The following SLC4A4 variants were observed in gnomAD, a reference collection of about 807,000 sequenced individuals.
SLC4A4 encodes electrogenic sodium bicarbonate cotransporter 1.
In SLC4A4, 27 loss-of-function variants were observed where a neutral mutation model predicts 111.5. The ratio of observed to expected loss-of-function variants is 0.24; its 90% CI spans 0.18 to 0.33. The LOEUF is 0.33. Among genes scored for constraint, SLC4A4 ranks in the 10% least tolerant of loss-of-function variants. The pLI is 1.00. For synonymous variants in SLC4A4, 443 were observed against 463.4 expected (o/e 0.96, Z 0.57); for missense variants, 909 against 1,315.5 (o/e 0.69, Z 4.78).
intron 3 of SLC4A4, among the ~76,000 whole-genome samples, chr4:71,302,932 G>A (rs1017772183): frequency 7.2e-5 from 11 of 152,238 alleles, no homozygotes; most frequent in African/African-American, 2.6e-4. Context: ...TTCAAGCTCC[G>A]TTATGTCTCC....
At chr4:71,117,975 C>G (rs999571802) in intron 2 of SLC4A4, among the ~76,000 whole-genome samples, 2 of 150,594 alleles carry the variant, frequency 1.3e-5, no homozygotes, top group Admixed American at 1.3e-4. Context: ...CTCTCAGGTT[C>G]GAGTGATTCT....
rs955910171 is a variant in SLC4A4 at position 71,450,691 on chromosome 4, T to C, written c.1208+148T>C. On this transcript the variant is annotated intron_variant, in intron 10 of 25. Transcript: ENST00000264485. ...TGTATTTTCTCAAATGGATCACTTA[T>C]GTGCCTTGGTTTCACGTTTCCTTGG... The C allele has an allele frequency of 1.4e-5, 10 of 729,588 alleles. No individual in the cohort carries two copies. The Middle Eastern group carries it at 2.3e-3, about 167-fold the overall frequency. 45.2% of individuals were successfully genotyped at this position (729,588 alleles called of 1,614,324 possible).
chr4:71,365,686 G>A (rs1364366437), intron 6 of SLC4A4, among the ~76,000 whole-genome samples: 2 of 152,116 alleles, frequency 1.3e-5, no homozygotes, highest in East Asian at 3.8e-4. Context: ...ATTTAAAGTA[G>A]GCCAGGATTT....
At chr4:71,534,632 G>A (rs1406099436) in intron 18 of SLC4A4, among the ~76,000 whole-genome samples, 1 of 151,144 alleles carries the variant, frequency 6.6e-6, no homozygotes, top group African/African-American at 2.4e-5. Context: ...CCAGCAAAGA[G>A]AATACAAACA....
rs1232199316 is a variant in SLC4A4 at position 71,261,019 on chromosome 4, T to C, written c.253+5620T>C. Among the ~76,000 whole-genome samples the C allele has an allele frequency of 2.6e-5, 4 of 152,328 alleles. No individual in the cohort carries two copies. In the East Asian group the frequency reaches 7.7e-4, roughly 29 times the overall value. ...TTAATTCCTTGTAAACAATAACCACTATTCTTTAAGCTCTTCTGGTCTTTT... is the reference window on the plus strand; with the variant it reads ...TTAATTCCTTGTAAACAATAACCACCATTCTTTAAGCTCTTCTGGTCTTTT... On this transcript the variant is annotated intron_variant, in intron 3 of 25. Coordinates refer to ENST00000264485, the MANE Select transcript of SLC4A4 (RefSeq NM_001098484.3).
intron 1 of SLC4A4, among the ~76,000 whole-genome samples, chr4:71,087,711 G>C (rs576219659): frequency 6.6e-6 from 1 of 152,000 alleles, no homozygotes; most frequent in Non-Finnish European, 1.5e-5. Context: ...GTAGTTGAGC[G>C]GTTTTGAGCA....
At chr4:71,280,568 G>A (rs752712505) in intron 3 of SLC4A4, among the ~76,000 whole-genome samples, 1 of 152,052 alleles carries the variant, frequency 6.6e-6, no homozygotes, top group African/African-American at 2.4e-5. Context: ...TCTTGTGAGT[G>A]GTATAAAATA....
chr4:71,242,960 G>T (rs1560806853), intron 2 of SLC4A4, among the ~76,000 whole-genome samples: 1 of 152,038 alleles, frequency 6.6e-6, no homozygotes, highest in South Asian at 2.1e-4. Context: ...TTTGCCTTTG[G>T]ACTCATTCTC....
At chr4:71,549,472 A>T (rs1037634013) in intron 20 of SLC4A4, among the ~76,000 whole-genome samples, 3 of 151,868 alleles carry the variant, frequency 2.0e-5, no homozygotes, top group Admixed American at 6.6e-5. Flanking sequence ...AGTTTCTTTT[A>T]TGAGCTCTCT....
chr4:71,290,960 T>C (rs1301637899), intron 3 of SLC4A4, among the ~76,000 whole-genome samples: 1 of 152,202 alleles, frequency 6.6e-6, no homozygotes, highest in Non-Finnish European at 1.5e-5. Context: ...AAAAATCAGA[T>C]TCAAATTTAC....
At chr4:71,535,270 G>C (rs1197712045) in intron 18 of SLC4A4, among the ~76,000 whole-genome samples, 1 of 152,082 alleles carries the variant, frequency 6.6e-6, no homozygotes, top group East Asian at 1.9e-4. Flanking sequence ...CAACACAGTA[G>C]GTATAGCAGG....
intron 1 of SLC4A4, among the ~76,000 whole-genome samples, chr4:71,091,803 T>C (rs550899891): frequency 2.6e-5 from 4 of 152,330 alleles, no homozygotes; most frequent in African/African-American, 7.2e-5. Flanking sequence ...CAAAACTGCA[T>C]GTATTCTGCA....
At chr4:71,107,289 A>C (rs1460805915) in intron 2 of SLC4A4, among the ~76,000 whole-genome samples, 1 of 152,140 alleles carries the variant, frequency 6.6e-6, no homozygotes, top group Non-Finnish European at 1.5e-5. Context: ...TATGTCTTAT[A>C]TCTTTTTTGT....
intron 3 of SLC4A4, among the ~76,000 whole-genome samples, chr4:71,290,949 TAAA>T (rs1724297967): frequency 1.3e-5 from 2 of 152,202 alleles, no homozygotes; most frequent in South Asian, 4.1e-4. Context: ...TGGAAAATAA[TAAA>T]AATCAGATTC....
At chr4:71,175,733 G>A (rs930760161) in intron 2 of SLC4A4, among the ~76,000 whole-genome samples, 8 of 151,586 alleles carry the variant, frequency 5.3e-5, no homozygotes, top group African/African-American at 1.9e-4. Flanking sequence ...GCCTGCCTCT[G>A]TAGACTCCAC....
chr4:71,298,641 A>T (rs1306480140), intron 3 of SLC4A4, among the ~76,000 whole-genome samples: 1 of 152,146 alleles, frequency 6.6e-6, no homozygotes, highest in Non-Finnish European at 1.5e-5. Flanking sequence ...AGGAAAAGAG[A>T]TTCAGTTTTC....
At chr4:71,296,207 A>G (rs1011419877) in intron 3 of SLC4A4, among the ~76,000 whole-genome samples, 4 of 152,184 alleles carry the variant, frequency 2.6e-5, no homozygotes, top group African/African-American at 7.2e-5. Flanking sequence ...ATAAAAAGCT[A>G]TATGATACAG....
chr4:71,415,778 T>A (rs1721772825), intron 7 of SLC4A4, among the ~76,000 whole-genome samples: 1 of 152,194 alleles, frequency 6.6e-6, no homozygotes, highest in East Asian at 1.9e-4. Flanking sequence ...TGCCTTTTAA[T>A]TTTTCTCAAA....
At chr4:71,323,254 A>G (rs1727255857) in intron 3 of SLC4A4, among the ~76,000 whole-genome samples, 1 of 152,032 alleles carries the variant, frequency 6.6e-6, no homozygotes, top group South Asian at 2.1e-4. Context: ...ATCATCAGTA[A>G]TTCTTCCACT....
Sources: gnomAD v4.1 joint callset for allele counts (sites outside exome capture counted in the v4.1 genomes callset) on GRCh38, gnomAD v4.1.1 for gene constraint, MANE v1.5 for transcripts, NCBI Gene and HGNC (gene_info 2026-07-23, HGNC 2026-07-21) for gene names.